EP400: variants seen among roughly 807,000 people sequenced by gnomAD.
EP400 encodes the protein E1A binding protein p400, also known as E1A-binding protein p400.
EP400 carries 105 observed loss-of-function variants against 354.1 expected under a neutral mutation model. The observed-to-expected ratio is 0.30, with a 90% CI of 0.25 to 0.35. The LOEUF is 0.35. Among genes scored for constraint, EP400 ranks in the 10% least tolerant of loss-of-function variants. EP400 has a pLI of 1.00. For synonymous variants in EP400, 1,646 were observed against 1,716.9 expected, an observed-to-expected ratio of 0.96 and a Z score of 1.02; for missense variants, 3,280 against 4,121.0, an observed-to-expected ratio of 0.80 and a Z score of 5.59.
rs1895914641 is a variant in EP400, at chr12:132,067,030, G to A, written c.8749+61G>A. On this transcript the variant is annotated intron_variant, in intron 49 of 52. Coordinates refer to ENST00000389561, the MANE Select transcript of EP400 (RefSeq NM_015409.5). The surrounding 1 kb of genome is among the most constrained non-coding windows in gnomAD (Gnocchi z 5.3). ...GAGCCTGGTTTCACAGGCCTCTCTG[G>A]TGGCAGTGGTCGCCAGCGACCCGTG... 3.4e-6 allele frequency: 5 copies of A among 1,476,812 alleles called. No individual in the cohort carries two copies. The highest frequency in any genetic ancestry group is 1.4e-5 in the African/African-American group (1 of 70,304). The allele number at this position is 1,476,812 out of a possible 1,614,324, so 91.5% of individuals were successfully genotyped here.
intron 7 of EP400, among the ~76,000 whole-genome samples, chr12:131,988,247 G>T (rs1892923056): frequency 6.6e-6 from 1 of 152,286 alleles, no homozygotes; most frequent in South Asian, 2.1e-4. Context: ...ACTGTGCTGT[G>T]TAATTAAGTC....
intron 35 of EP400, 88 bp from the exon 36 acceptor site, chr12:132,044,583 A>G: frequency 6.7e-7 from 1 of 1,498,682 alleles, no homozygotes; most frequent in Admixed American, 1.8e-5. Context: ...TATTTGAAAG[A>G]CTTAATGAGT....
intron 1 of EP400, 38 bp downstream of exon 1, chr12:131,950,074 C>T (rs1023258836): frequency 2.0e-5 from 3 of 151,830 alleles, no homozygotes; most frequent in African/African-American, 7.2e-5. Context: ...GGGCGGGAGG[C>T]TCTCGGGACG....
chr12:131,960,707 G>GTCCCCCCCCCC lies in EP400; in HGVS notation c.88_89insTCCCCCCCCCC (p.Ala30ValfsTer36). 1.9e-6 allele frequency: 3 copies of GTCCCCCCCCCC among 1,545,590 alleles called. No individual in the cohort carries two copies. Among genetic ancestry groups the GTCCCCCCCCCC allele is most frequent in the Non-Finnish European group, 2.6e-6 (3 of 1,146,246 alleles). ...TGGCAGCGAGGGTGAGGAGCAGCCG[G>GTCCCCCCCCCC]CCCACCCCAACCCACCCCCGTCCCC... On this transcript the variant is annotated frameshift_variant, in exon 2 of 53. Transcript: ENST00000389561. LOFTEE classifies it high-confidence loss of function.
At chr12:132,040,965 G>T (rs1269467494) in intron 32 of EP400, among the ~76,000 whole-genome samples, 3 of 152,210 alleles carry the variant, frequency 2.0e-5, no homozygotes, top group Non-Finnish European at 4.4e-5. Flanking sequence ...ACACTGGTGA[G>T]CAAGGCTGGT....
In EP400 at chr12:132,029,662, G is replaced by A. The variant is rs766730647; in HGVS notation, c.5382-39G>A. The A allele has an allele frequency of 4.4e-6, 7 of 1,599,256 alleles. No individual in the cohort carries two copies. Among genetic ancestry groups the A allele is most frequent in the Non-Finnish European group, 5.1e-6 (6 of 1,170,344 alleles). ...GCCCCCATGCTGGGTGAAGGTGTGT[G>A]GCTCCTGGTGGTGACAAAACATGCT... On this transcript the variant is annotated intron_variant, in intron 27 of 52. Coordinates refer to ENST00000389561, the MANE Select transcript of EP400 (RefSeq NM_015409.5). This position sits in a 1 kb window ranked among gnomAD's most constrained non-coding sequence, Gnocchi z 4.7.
intron 2 of EP400, 93 bp downstream of exon 2, chr12:131,962,047 G>A (rs982812691): frequency 8.4e-6 from 12 of 1,427,904 alleles, no homozygotes; most frequent in South Asian, 7.2e-5. Flanking sequence ...TTGAGCCTGC[G>A]GTATTTCTAA....
rs143825427 is a variant in EP400, at chr12:131,988,656, T to G, written c.2409+766T>G. 2.2e-4 allele frequency among the ~76,000 whole-genome samples: 33 copies of G among 152,326 alleles called. 1 individual carries two copies. In the East Asian group the frequency reaches 6.4e-3, roughly 29 times the overall value. ...ACTCTGGAGGCCCTACTGCTAACAC[T>G]AGAAAAGTGAGAACAAGTGGTAGAT... On this transcript the variant is annotated intron_variant, in intron 7 of 52. Coordinates refer to ENST00000389561, the MANE Select transcript of EP400 (RefSeq NM_015409.5).
intron 39 of EP400, among the ~76,000 whole-genome samples, chr12:132,046,799 G>A (rs927508225): frequency 1.3e-5 from 2 of 152,224 alleles, no homozygotes; most frequent in Non-Finnish European, 2.9e-5. Context: ...CCCCACACCA[G>A]CAGCGTCTGC....
chr12:132,015,522 C>T (rs972807401), intron 19 of EP400, among the ~76,000 whole-genome samples: 2 of 152,200 alleles, frequency 1.3e-5, no homozygotes, highest in Admixed American at 6.5e-5. Context: ...TTAGGGAGTC[C>T]GACCCATTGC....
chr12:131,986,839 C>T (rs990260562), intron 6 of EP400, 32 bp downstream of exon 6: 1 of 1,566,512 alleles, frequency 6.4e-7, no homozygotes. Flanking sequence ...GTAAAATGTA[C>T]TCCAGTTGGT....
chr12:132,055,354 G>T (rs537099508), intron 45 of EP400, 146 bp downstream of exon 45: 148 of 725,776 alleles, frequency 2.0e-4, no homozygotes, highest in Non-Finnish European at 2.9e-4. Flanking sequence ...TAGCTGATCA[G>T]TATGTTGATT....
chr12:132,017,086 G>A lies in EP400; in HGVS notation c.3924-449G>A, dbSNP rs1893966192. On this transcript the variant is annotated intron_variant, in intron 19 of 52. Transcript: ENST00000389561. This position sits in a 1 kb window ranked among gnomAD's most constrained non-coding sequence, Gnocchi z 5.0. ...CTTCTGTCTGCCCCCTTCACTGGGT[G>A]GTAAGCCGCACAGGGCATGGACCTG... Among the ~76,000 whole-genome samples the A allele has an allele frequency of 6.6e-6, 1 of 152,202 alleles. No homozygotes were observed. The highest frequency in any genetic ancestry group is 1.5e-5 in the Non-Finnish European group (1 of 68,046).
chr12:131,995,620 A>G (rs1244188110), intron 12 of EP400, among the ~76,000 whole-genome samples: 2 of 145,960 alleles, frequency 1.4e-5, no homozygotes, highest in Non-Finnish European at 3.0e-5. Context: ...ACGTGAATGA[A>G]TCCACCACAG....
chr12:131,989,436 C>T (rs1181008030), intron 7 of EP400, among the ~76,000 whole-genome samples: 1 of 152,230 alleles, frequency 6.6e-6, no homozygotes, highest in Non-Finnish European at 1.5e-5. Flanking sequence ...GTGGGGGTGA[C>T]AGCCATTGTG....
chr12:131,968,031 A>AT (rs1248434994), intron 2 of EP400, among the ~76,000 whole-genome samples: 1 of 151,918 alleles, frequency 6.6e-6, no homozygotes, highest in African/African-American at 2.4e-5. Flanking sequence ...TTTTGCAAGT[A>AT]TTTTTTCCTG....
At chr12:131,987,597 T>C (rs1194725186) in intron 6 of EP400, 108 bp from the exon 7 acceptor site, 1 of 897,936 alleles carries the variant, frequency 1.1e-6, no homozygotes, top group African/African-American at 1.7e-5. Context: ...TCTTTCTTAG[T>C]GCCTGACTGA....
In EP400 at chr12:132,044,802, C is replaced by T. The variant is rs761980290; in HGVS notation, c.6633C>T (p.Leu2211=). ...TGGGCCTTCCCTTCTCCATGCAGCT[C>T]TGGACCCCACCCACCCCGCCGCAGG... ...DVDGQTEVMP[L]WTPPTPPQDD... The change falls in exon 37 of 53, where the codon CTC becomes CTT. Residue 2211 remains leucine (L), a splice_region_variant and synonymous_variant. Transcript: ENST00000389561. 11 of 1,613,982 alleles carry T rather than the reference C, an allele frequency of 6.8e-6. No homozygotes were observed. The African/African-American group carries it at 1.5e-4, about 22-fold the overall frequency.
At chr12:132,076,061 C>A in intron 51 of EP400, 1 of 211,632 alleles carries the variant, frequency 4.7e-6, no homozygotes, top group Non-Finnish European at 9.8e-6. Context: ...ATAAAATTAC[C>A]AGCCTCAAAA....
Sources: allele counts gnomAD v4.1 joint callset (sites outside exome capture counted in the v4.1 genomes callset), GRCh38; gene constraint gnomAD v4.1.1; non-coding constraint Gnocchi (gnomAD v3.1); transcripts MANE v1.5; gene names NCBI Gene and HGNC (gene_info 2026-07-23, HGNC 2026-07-21).